Variants in ABHD10 observed in about 807,000 individuals in gnomAD.
ABHD10 encodes the protein abhydrolase domain containing 10, depalmitoylase, also known as palmitoyl-protein thioesterase ABHD10, mitochondrial.
A neutral mutation model predicts 33.1 loss-of-function variants in ABHD10; 22 were observed. That is an observed-to-expected ratio of 0.66 (90% CI 0.47 to 0.95). The LOEUF is 0.95. ABHD10 is among the 40% of genes least tolerant of loss of function. The pLI is 0.00. For synonymous variants in ABHD10, 146 were observed against 133.9 expected, an observed-to-expected ratio of 1.09 and a Z score of -0.62; for missense variants, 352 against 379.9, an observed-to-expected ratio of 0.93 and a Z score of 0.61.
At position 111,992,752 on chromosome 3, in the gene ABHD10, G is replaced by A. The variant is rs2072758188; in HGVS notation, c.*1031G>A. 1 of 152,150 alleles carries A rather than the reference G, an allele frequency of 6.6e-6. No homozygotes were observed. The highest frequency in any genetic ancestry group is 1.5e-5 in the Non-Finnish European group (1 of 68,026). The allele number at this position is 152,150 out of a possible 1,614,324, so 9.4% of individuals were successfully genotyped here. ...TCATATATATACATGTGTATAAGATGAGCATGTGTCGAAGACTTATTCGAC... is the reference window on the plus strand; with the variant it reads ...TCATATATATACATGTGTATAAGATAAGCATGTGTCGAAGACTTATTCGAC... On this transcript the variant is annotated 3_prime_UTR_variant, in exon 5 of 5. Coordinates refer to ENST00000273359, the MANE Select transcript of ABHD10 (RefSeq NM_018394.4).
chr3:111,986,079 T>C (rs528364656), intron 2 of ABHD10, among the ~76,000 whole-genome samples, 185 bp from the exon 3 acceptor site: 12 of 151,946 alleles, frequency 7.9e-5, no homozygotes, highest in Non-Finnish European at 1.8e-4. Context: ...GTGGAGGAGG[T>C]GAGAAAGTGA....
intron 2 of ABHD10, among the ~76,000 whole-genome samples, chr3:111,983,019 A>G (rs1001067004): frequency 2.0e-5 from 3 of 152,174 alleles, no homozygotes; most frequent in South Asian, 2.1e-4. Flanking sequence ...CTCTAGCACT[A>G]TACTGAGTGC....
chr3:111,985,159 T>C (rs1272400750), intron 2 of ABHD10, among the ~76,000 whole-genome samples: 3 of 152,300 alleles, frequency 2.0e-5, no homozygotes, highest in East Asian at 3.9e-4. Context: ...AGGAAGCTGT[T>C]CTTGGCAGCA....
chr3:111,986,025 C>G (rs2072653562), intron 2 of ABHD10, among the ~76,000 whole-genome samples: 1 of 152,122 alleles, frequency 6.6e-6, no homozygotes, highest in Non-Finnish European at 1.5e-5. Context: ...CTATTGCATT[C>G]AGTTAGGTTG....
chr3:111,987,660 C>G (rs1285432072), intron 4 of ABHD10, among the ~76,000 whole-genome samples: 1 of 152,176 alleles, frequency 6.6e-6, no homozygotes, highest in African/African-American at 2.4e-5. Context: ...TGTTGCTATA[C>G]TGTATCGTTT....
At chr3:111,983,713 A>G (rs374281006) in intron 2 of ABHD10, among the ~76,000 whole-genome samples, 9 of 152,216 alleles carry the variant, frequency 5.9e-5, no homozygotes, top group East Asian at 1.9e-4. Flanking sequence ...ACATATGACT[A>G]TATGAAAATG....
chr3:111,984,774 A>G (rs1206345012), intron 2 of ABHD10, among the ~76,000 whole-genome samples: 1 of 152,216 alleles, frequency 6.6e-6, no homozygotes, highest in Non-Finnish European at 1.5e-5. Context: ...AGTCATAGAG[A>G]CACAAGATAG....
intron 2 of ABHD10, among the ~76,000 whole-genome samples, chr3:111,982,763 A>G (rs1004700751): frequency 6.6e-6 from 1 of 152,178 alleles, no homozygotes; most frequent in Non-Finnish European, 1.5e-5. Flanking sequence ...AAATCTATCC[A>G]TCTAAATTTT....
chr3:111,991,306 T>G, intron 4 of ABHD10, 71 bp from the exon 5 acceptor site: 1 of 1,325,588 alleles, frequency 7.5e-7, no homozygotes, highest in Non-Finnish European at 1.0e-6. Flanking sequence ...ATTAGATTAC[T>G]TAAAACTATT....
chr3:111,981,236 G>A (rs1330972791), intron 1 of ABHD10, among the ~76,000 whole-genome samples: 1 of 149,510 alleles, frequency 6.7e-6, no homozygotes, highest in African/African-American at 2.5e-5. Context: ...CTGAGGAGTC[G>A]AGGAAGTCCA....
In ABHD10 at chr3:111,992,929, G is replaced by A. The variant is rs2072760733; in HGVS notation, c.*1208G>A. 1 of 152,222 alleles carries A rather than the reference G, an allele frequency of 6.6e-6. No homozygotes were observed. Among genetic ancestry groups the A allele is most frequent in the African/African-American group, 2.4e-5 (1 of 41,464 alleles). 9.4% of individuals were successfully genotyped at this position (152,222 alleles called of 1,614,324 possible). ...GCCGACCTGACTACTTAACCTTAGA[G>A]ACCTGCTTTACAAGGTTGGCCCTTG... On this transcript the variant is annotated 3_prime_UTR_variant, in exon 5 of 5. Transcript: ENST00000273359.
In ABHD10 at chr3:111,991,901, G is replaced by A. The variant is rs1559938748; in HGVS notation, c.*180G>A. 2.0e-6 allele frequency: 1 copy of A among 498,036 alleles called. No individual in the cohort carries two copies. The highest frequency in any genetic ancestry group is 2.0e-5 in the African/African-American group (1 of 49,226). The allele number at this position is 498,036 out of a possible 1,614,324, so 30.9% of individuals were successfully genotyped here. ...AAATTGTGAAGAAGGACCAGCTGCT[G>A]TTTAGAAAATTTTCTCCTTCCTTCT... On this transcript the variant is annotated 3_prime_UTR_variant, in exon 5 of 5. Coordinates refer to ENST00000273359, the MANE Select transcript of ABHD10 (RefSeq NM_018394.4).
In ABHD10 at chr3:111,981,958, C is replaced by A; in HGVS notation, c.317C>A (p.Ala106Asp). The part of the protein sequence containing the change: ...IEEFCKSLGH[A>D]CIRFDYSGVG... ...GAGTTTTGCAAATCTCTAGGTCACG[C>A]CTGCATAAGGTAGGAACAACACATT... The change falls in exon 2 of 5, where the codon GCC (alanine) becomes GAC (aspartate). Residue 106 changes from alanine to aspartate, a missense_variant. By Grantham distance (126) the Ala-to-Asp change is moderately radical. Transcript: ENST00000273359. 6.4e-7 allele frequency: 1 copy of A among 1,551,242 alleles called. No homozygotes were observed. The highest frequency in any genetic ancestry group is 8.8e-7 in the Non-Finnish European group (1 of 1,136,290).
chr3:111,986,668 C>T (rs1161967462), intron 3 of ABHD10, among the ~76,000 whole-genome samples: 1 of 152,236 alleles, frequency 6.6e-6, no homozygotes, highest in Non-Finnish European at 1.5e-5. Flanking sequence ...ATCTCCTGAC[C>T]TCGTGATCCG....
Position 111,979,102 on chromosome 3 carries a change from C to A in ABHD10, c.41C>A (p.Pro14His), listed in dbSNP as rs1451107703. 1 of 1,613,408 alleles carries A rather than the reference C, an allele frequency of 6.2e-7. No individual in the cohort carries two copies. ...ARLAAVAAWV[P>H]CRSWGWAAVP... is the part of the protein sequence containing the mutation. ...TTGGCAGCTGTGGCGGCCTGGGTAC[C>A]TTGTCGGAGCTGGGGCTGGGCAGCC... Residue 14 changes from proline to histidine, a missense_variant, in exon 1 of 5, where the codon CCT becomes CAT. Pro to His is a moderately conservative substitution (Grantham distance 77). Transcript: ENST00000273359.
chr3:111,986,178 G>A (rs1274780750), intron 2 of ABHD10, 86 bp from the exon 3 acceptor site: 1 of 704,220 alleles, frequency 1.4e-6, no homozygotes. Flanking sequence ...AAGCATTATA[G>A]TAATGAGGAA....
At chr3:111,980,495 A>G (rs1284989155) in intron 1 of ABHD10, among the ~76,000 whole-genome samples, 1 of 152,212 alleles carries the variant, frequency 6.6e-6, no homozygotes, top group East Asian at 1.9e-4. Flanking sequence ...TAAAAAAAGA[A>G]AATGTATTAG....
chr3:111,988,209 T>C (rs1434242453), intron 4 of ABHD10, among the ~76,000 whole-genome samples: 1 of 152,254 alleles, frequency 6.6e-6, no homozygotes, highest in African/African-American at 2.4e-5. Flanking sequence ...AAGTTCATTC[T>C]TAGTTCACGT....
intron 4 of ABHD10, among the ~76,000 whole-genome samples, chr3:111,988,317 C>CT (rs2072696353): frequency 6.6e-6 from 1 of 152,042 alleles, no homozygotes; most frequent in Non-Finnish European, 1.5e-5. Flanking sequence ...CTTCCTTGAA[C>CT]TTATCTCCTG....
Sources: allele counts gnomAD v4.1 joint callset (sites outside exome capture counted in the v4.1 genomes callset), GRCh38; gene constraint gnomAD v4.1.1; transcripts MANE v1.5; gene names NCBI Gene and HGNC (gene_info 2026-07-23, HGNC 2026-07-21).